The following GRM1 variants were observed in gnomAD, a reference collection of about 807,000 sequenced individuals.
GRM1 encodes the protein metabotropic glutamate receptor 1.
Under a neutral mutation model 90.9 loss-of-function variants are expected in GRM1, and 33 were observed. The ratio of observed to expected loss-of-function variants is 0.36; its 90% CI spans 0.28 to 0.49. GRM1 has a LOEUF of 0.49. Among genes scored for constraint, GRM1 ranks in the 20% least tolerant of loss-of-function variants. GRM1 has a pLI of 0.99. For synonymous variants in GRM1, 700 were observed against 613.2 expected (o/e 1.14, Z -2.09); for missense variants, 1,190 against 1,534.3 (o/e 0.78, Z 3.75).
chr6:146,211,524 G>T (rs1779687494), intron 2 of GRM1, among the ~76,000 whole-genome samples: 1 of 152,120 alleles, frequency 6.6e-6, no homozygotes, highest in Admixed American at 6.5e-5. Flanking sequence ...ATTATCCGGT[G>T]ACTTTTTGTT....
At chr6:146,028,232 AGTGTGTGT>A (rs60190108), upstream of GRM1, among the ~76,000 whole-genome samples, 4,435 of 130,300 alleles carry the variant, frequency 0.034, 91 homozygotes, top group East Asian at 0.086. Flanking sequence ...AGTGGAAGGG[AGTGTGTGT>A]GTGTGTGTGT....
chr6:146,355,643 A>G (rs1222919624), intron 4 of GRM1, among the ~76,000 whole-genome samples: 3 of 152,168 alleles, frequency 2.0e-5, no homozygotes, highest in Non-Finnish European at 4.4e-5. Flanking sequence ...CAATCAACTG[A>G]CATTCCTTGT....
chr6:146,418,795 T>A (rs926987291), intron 7 of GRM1, among the ~76,000 whole-genome samples: 4 of 152,152 alleles, frequency 2.6e-5, no homozygotes, highest in African/African-American at 9.7e-5. Context: ...TGGCCATATG[T>A]CTTTGTACCT....
chr6:146,396,944 C>A (rs1776960715), intron 6 of GRM1, among the ~76,000 whole-genome samples: 1 of 152,104 alleles, frequency 6.6e-6, no homozygotes, highest in African/African-American at 2.4e-5. Flanking sequence ...AATCCTAGGA[C>A]AACTACATAA....
intron 1 of GRM1, among the ~76,000 whole-genome samples, chr6:146,146,103 CTTTTTTTTTTTTTTTTT>C (rs35329703): frequency 7.0e-4 from 14 of 19,988 alleles, no homozygotes; most frequent in South Asian, 2.3e-3. Context: ...ACCATTGTAT[CTTTTTTTTTTTTTTTTT>C]TTTTTTTTTT....
At chr6:146,049,967 T>A (rs1255327170) in intron 1 of GRM1, among the ~76,000 whole-genome samples, 1 of 151,982 alleles carries the variant, frequency 6.6e-6, no homozygotes, top group East Asian at 1.9e-4. Flanking sequence ...GTCAGTCTCA[T>A]TCCAAAGGCT....
intron 7 of GRM1, among the ~76,000 whole-genome samples, chr6:146,412,961 A>G (rs910637685): frequency 2.6e-5 from 4 of 152,124 alleles, no homozygotes; most frequent in Admixed American, 2.6e-4. Context: ...TAGTTCTATA[A>G]TTAAGGATAT....
chr6:146,316,655 A>G (rs996650751), intron 3 of GRM1, among the ~76,000 whole-genome samples: 1 of 152,088 alleles, frequency 6.6e-6, no homozygotes, highest in African/African-American at 2.4e-5. Context: ...GACGACATAT[A>G]TTTCTTGCAT....
At chr6:146,099,819 T>C (rs1776992149) in intron 1 of GRM1, among the ~76,000 whole-genome samples, 2 of 152,212 alleles carry the variant, frequency 1.3e-5, no homozygotes. Context: ...CAATTTGGAC[T>C]GTTTGCATTT....
intron 2 of GRM1, among the ~76,000 whole-genome samples, chr6:146,195,499 C>A (rs1384315886): frequency 6.6e-6 from 1 of 152,252 alleles, no homozygotes; most frequent in African/African-American, 2.4e-5. Flanking sequence ...TTTCACCCAG[C>A]CTTCCTGCAG....
intron 2 of GRM1, among the ~76,000 whole-genome samples, chr6:146,193,676 A>G (rs1426221932): frequency 6.6e-6 from 1 of 152,140 alleles, no homozygotes; most frequent in African/African-American, 2.4e-5. Flanking sequence ...AATGCAATAC[A>G]TTTTTTGTTC....
In GRM1 at chr6:146,029,454, G is replaced by C; in HGVS notation, c.-64G>C. The C allele has an allele frequency of 1.5e-6, 2 of 1,320,040 alleles. No individual in the cohort carries two copies. Among genetic ancestry groups the C allele is most frequent in the Non-Finnish European group, 2.2e-6 (2 of 912,656 alleles). 81.8% of individuals were successfully genotyped at this position (1,320,040 alleles called of 1,614,324 possible). On this transcript the variant is annotated 5_prime_UTR_variant, in exon 1 of 8. Coordinates refer to ENST00000282753, the MANE Select transcript of GRM1 (RefSeq NM_001278064.2). Reference sequence around the variant, plus strand: ...CTGGGCGTCTTGGGGGTGCGCGCCGGGAGCCTGCAGCGGGACCAGCGTGGG... The same window carrying C: ...CTGGGCGTCTTGGGGGTGCGCGCCGCGAGCCTGCAGCGGGACCAGCGTGGG...
chr6:146,164,928 A>AT (rs1477489502), intron 2 of GRM1, among the ~76,000 whole-genome samples: 23 of 149,536 alleles, frequency 1.5e-4, no homozygotes, highest in African/African-American at 4.9e-4. Context: ...TTCTGACTAC[A>AT]TCTTTTTTTT....
chr6:146,124,292 T>C (rs1381315617), intron 1 of GRM1, among the ~76,000 whole-genome samples: 2 of 152,228 alleles, frequency 1.3e-5, no homozygotes, highest in South Asian at 2.1e-4. Context: ...TACTAAGTTT[T>C]ATGGTTTAGT....
intron 1 of GRM1, among the ~76,000 whole-genome samples, chr6:146,114,630 C>T (rs1261084980): frequency 1.3e-5 from 2 of 151,888 alleles, no homozygotes; most frequent in African/African-American, 2.4e-5. Context: ...GTTTATTGTA[C>T]AATAGTAAGT....
chr6:146,415,294 C>T (rs1027888392), intron 7 of GRM1, among the ~76,000 whole-genome samples: 1 of 152,098 alleles, frequency 6.6e-6, no homozygotes, highest in East Asian at 1.9e-4. Context: ...ACCCTCATGA[C>T]CTAATTGCCT....
intron 2 of GRM1, among the ~76,000 whole-genome samples, chr6:146,300,604 T>G (rs987975215): frequency 2.0e-5 from 3 of 152,200 alleles, no homozygotes; most frequent in Non-Finnish European, 4.4e-5. Context: ...CAATATATAG[T>G]TTTATTTCCA....
chr6:146,029,402 A>T lies in GRM1; in HGVS notation c.-116A>T. The T allele has an allele frequency of 1.2e-6, 1 of 831,398 alleles. No individual in the cohort carries two copies. The highest frequency in any genetic ancestry group is 2.1e-6 in the Non-Finnish European group (1 of 475,092). The allele number at this position is 831,398 out of a possible 1,614,324, so 51.5% of individuals were successfully genotyped here. The stretch of plus-strand genomic sequence containing the variant: ...AGGCCTTGGACGACCATTGTTGGCG[A>T]GGGGCACCACTCCGGGAGAGGCGGC... On this transcript the variant is annotated 5_prime_UTR_variant, in exon 1 of 8. Coordinates refer to ENST00000282753, the MANE Select transcript of GRM1 (RefSeq NM_001278064.2).
chr6:146,334,902 G>T (rs549825903), intron 3 of GRM1, among the ~76,000 whole-genome samples: 2 of 152,078 alleles, frequency 1.3e-5, no homozygotes, highest in African/African-American at 4.8e-5. Flanking sequence ...CATGGTCTTG[G>T]TGATATATGA....
Sources: allele counts gnomAD v4.1 joint callset (sites outside exome capture counted in the v4.1 genomes callset), GRCh38; gene constraint gnomAD v4.1.1; transcripts MANE v1.5; gene names NCBI Gene and HGNC (gene_info 2026-07-23, HGNC 2026-07-21).